Variants in GPR158 observed in about 807,000 individuals in gnomAD.
The protein encoded by GPR158 is metabotropic glycine receptor.
GPR158 carries 30 observed loss-of-function variants against 78.2 expected under a neutral mutation model. That is an observed-to-expected ratio of 0.38 (90% CI 0.29 to 0.52). The LOEUF (loss-of-function observed/expected upper bound fraction) is 0.52, where lower values mean the gene tolerates loss of function less well. Ranked by LOEUF, GPR158 falls within the 20% of genes least tolerant of loss-of-function variation. The pLI, the probability that GPR158 is intolerant of heterozygous loss-of-function variation, is 0.83. For synonymous variants in GPR158, 581 were observed against 591.1 expected, an observed-to-expected ratio of 0.98 and a Z score of 0.25; for missense variants, 1,463 against 1,523.5, an observed-to-expected ratio of 0.96 and a Z score of 0.66.
At chr10:25,268,527 C>T (rs932901109) in intron 2 of GPR158, among the ~76,000 whole-genome samples, 1 of 152,048 alleles carries the variant, frequency 6.6e-6, no homozygotes, top group Non-Finnish European at 1.5e-5. Context: ...CTGGACCTCC[C>T]CCAAAAACTC....
At chr10:25,479,508 G>A (rs77531615) in intron 5 of GPR158, among the ~76,000 whole-genome samples, 1,996 of 152,056 alleles carry the variant, frequency 0.013, 57 homozygotes, top group African/African-American at 0.046. Flanking sequence ...TGTGCCTCCC[G>A]GGTTCCAACA....
intron 1 of GPR158, among the ~76,000 whole-genome samples, chr10:25,200,308 ATCT>A (rs146064291): frequency 0.021 from 3,225 of 151,970 alleles, 116 homozygotes; most frequent in African/African-American, 0.074. Context: ...CCATGTATTT[ATCT>A]TCTTTTGAAA....
intron 1 of GPR158, among the ~76,000 whole-genome samples, chr10:25,203,642 T>C (rs1261351890): frequency 6.9e-6 from 1 of 145,116 alleles, no homozygotes; most frequent in Non-Finnish European, 1.5e-5. Context: ...TACCATGCTG[T>C]TTTTGGTTAC....
At chr10:25,266,703 T>A (rs1229174717) in intron 2 of GPR158, among the ~76,000 whole-genome samples, 1 of 152,148 alleles carries the variant, frequency 6.6e-6, no homozygotes, top group Non-Finnish European at 1.5e-5. Context: ...CTATAAATAG[T>A]AGCTGCTTCC....
chr10:25,272,985 C>G (rs1854137100), intron 2 of GPR158, among the ~76,000 whole-genome samples: 1 of 152,022 alleles, frequency 6.6e-6, no homozygotes, highest in African/African-American at 2.4e-5. Context: ...TGGAGGACAC[C>G]CTAAAGAAAC....
At chr10:25,582,213 A>T (rs1183028235) in intron 7 of GPR158, among the ~76,000 whole-genome samples, 1 of 152,166 alleles carries the variant, frequency 6.6e-6, no homozygotes, top group African/African-American at 2.4e-5. Flanking sequence ...AGAGAGACGA[A>T]ATGGAAGACA....
At chr10:25,456,022 T>C (rs1271621288) in intron 4 of GPR158, among the ~76,000 whole-genome samples, 4 of 152,212 alleles carry the variant, frequency 2.6e-5, no homozygotes, top group African/African-American at 9.6e-5. Flanking sequence ...TTTTAGAGAC[T>C]GAATTTTAAA....
At chr10:25,523,643 A>C (rs1836307926) in intron 5 of GPR158, among the ~76,000 whole-genome samples, 1 of 152,196 alleles carries the variant, frequency 6.6e-6, no homozygotes. Context: ...ATATTTGGAG[A>C]CTTCGGTACC....
At chr10:25,380,407 C>A (rs1457927436) in intron 2 of GPR158, among the ~76,000 whole-genome samples, 2 of 152,140 alleles carry the variant, frequency 1.3e-5, no homozygotes, top group Non-Finnish European at 2.9e-5. Context: ...TACTCTCACA[C>A]AATTTGCATT....
At chr10:25,376,516 A>G (rs1028730728) in intron 2 of GPR158, among the ~76,000 whole-genome samples, 1 of 151,608 alleles carries the variant, frequency 6.6e-6, no homozygotes, top group African/African-American at 2.4e-5. Context: ...TATCCTTACT[A>G]TACGTAATTG....
intron 2 of GPR158, among the ~76,000 whole-genome samples, chr10:25,235,657 GT>G (rs972164662): frequency 4.3e-5 from 6 of 139,066 alleles, no homozygotes; most frequent in African/African-American, 1.6e-4. Flanking sequence ...AATGAGGACA[GT>G]TTTTTTTAGC....
intron 2 of GPR158, among the ~76,000 whole-genome samples, chr10:25,241,129 C>CTTTCTTTCTTTCTT (rs1359238753): frequency 2.6e-5 from 1 of 39,140 alleles, no homozygotes; most frequent in African/African-American, 7.3e-5. Flanking sequence ...CTTTGATTTT[C>CTTTCTTTCTTTCTT]TTTCTTTCTT....
At chr10:25,393,735 A>G (rs1834332798) in intron 2 of GPR158, 1 of 152,152 alleles carries the variant, frequency 6.6e-6, no homozygotes, top group Non-Finnish European at 1.5e-5. Flanking sequence ...AAGGACACAC[A>G]TGGAGTAGTG....
intron 1 of GPR158, among the ~76,000 whole-genome samples, chr10:25,192,774 G>A (rs548337659): frequency 6.6e-6 from 1 of 150,664 alleles, no homozygotes; most frequent in East Asian, 1.9e-4. Context: ...TAAAAAAAAG[G>A]TAGAAAAATG....
chr10:25,305,449 A>G (rs1335940030), intron 2 of GPR158, among the ~76,000 whole-genome samples: 2 of 152,188 alleles, frequency 1.3e-5, no homozygotes, highest in Non-Finnish European at 1.5e-5. Context: ...CCAACAGATA[A>G]TTACAATAGT....
At chr10:25,329,207 C>T (rs928069179) in intron 2 of GPR158, among the ~76,000 whole-genome samples, 9 of 151,866 alleles carry the variant, frequency 5.9e-5, no homozygotes, top group South Asian at 2.1e-4. Flanking sequence ...GAGGCCGAGG[C>T]GGGCAGATCA....
chr10:25,440,243 C>G (rs1835050469), intron 4 of GPR158, among the ~76,000 whole-genome samples: 1 of 152,196 alleles, frequency 6.6e-6, no homozygotes, highest in African/African-American at 2.4e-5. Context: ...TGGCTCAGTA[C>G]AGGGGCCTGG....
chr10:25,380,766 A>G (rs1490335255), intron 2 of GPR158, among the ~76,000 whole-genome samples: 2 of 152,210 alleles, frequency 1.3e-5, no homozygotes, highest in Non-Finnish European at 2.9e-5. Context: ...GATTCAAGGA[A>G]TGCAAATTTG....
chr10:25,571,257 G>A lies in GPR158; in HGVS notation c.1515-1392G>A, dbSNP rs140169247. Among the ~76,000 whole-genome samples the A allele has an allele frequency of 3.4e-3, 523 of 152,218 alleles. 1 individual carries two copies. Among genetic ancestry groups the A allele is most frequent in the African/African-American group, 0.011 (442 of 41,548 alleles). On this transcript the variant is annotated intron_variant, in intron 6 of 10. Transcript: ENST00000376351. ...TTGTATCTGTTACTATATTTCTGAC[G>A]TTCCACAGAAAAATTGAGAAGTATT...
Sources: allele counts gnomAD v4.1 joint callset (sites outside exome capture counted in the v4.1 genomes callset), GRCh38; gene constraint gnomAD v4.1.1; transcripts MANE v1.5; gene names NCBI Gene and HGNC (gene_info 2026-07-23, HGNC 2026-07-21).